The following SEMA3D variants were observed in gnomAD, a reference collection of about 807,000 sequenced individuals.
The protein encoded by SEMA3D is semaphorin 3D.
Under a neutral mutation model 100.1 loss-of-function variants are expected in SEMA3D, and 84 were observed. The observed-to-expected ratio is 0.84, with a 90% confidence interval of 0.70 to 1.01. The LOEUF (loss-of-function observed/expected upper bound fraction) is 1.01. Ranked by LOEUF, SEMA3D falls within the 50% of genes least tolerant of loss-of-function variation. The probability of loss-of-function intolerance (pLI) is 0.00; values close to 1 mark genes in which losing one functional copy is unlikely to be tolerated. For synonymous variants in SEMA3D, 312 were observed against 320.7 expected, an observed-to-expected ratio of 0.97 and a Z score of 0.29; for missense variants, 875 against 934.1, an observed-to-expected ratio of 0.94 and a Z score of 0.82.
At chr7:85,058,701 T>C (rs533071553) in intron 8 of SEMA3D, among the ~76,000 whole-genome samples, 1 of 147,132 alleles carries the variant, frequency 6.8e-6, no homozygotes, top group East Asian at 2.0e-4. Flanking sequence ...TGAGACAAGA[T>C]TGTGCCACTG....
chr7:85,027,637 T>C (rs1790427786), intron 12 of SEMA3D, among the ~76,000 whole-genome samples: 1 of 152,054 alleles, frequency 6.6e-6, no homozygotes, highest in South Asian at 2.1e-4. Context: ...GGACATATTA[T>C]ATTCAGAAGT....
rs572383134 is a variant in SEMA3D at position 85,176,480 on chromosome 7, A to G, written c.-173+10198T>C. On this transcript the variant is annotated intron_variant, in intron 1 of 18. Transcript: ENST00000284136. Reference sequence around the variant, plus strand: ...AAACTAAAACCAGAAATAAAAAAGCATGCCTAAACTTTCAGCTGTTGCCCC... The same window carrying G: ...AAACTAAAACCAGAAATAAAAAAGCGTGCCTAAACTTTCAGCTGTTGCCCC... 2.6e-5 allele frequency among the ~76,000 whole-genome samples: 4 copies of G among 152,284 alleles called. No individual in the cohort carries two copies. The South Asian group carries it at 8.3e-4, about 32-fold the overall frequency.
At chr7:85,038,828 T>C (rs16887803) in intron 11 of SEMA3D, among the ~76,000 whole-genome samples, 10,215 of 152,244 alleles carry the variant, frequency 0.067, 979 homozygotes, top group East Asian at 0.22. Flanking sequence ...ATTCTCATAT[T>C]TGAACATTCA....
intron 3 of SEMA3D, among the ~76,000 whole-genome samples, chr7:85,120,724 T>C (rs1789385734): frequency 6.6e-6 from 1 of 151,240 alleles, no homozygotes; most frequent in Non-Finnish European, 1.5e-5. Context: ...ATAAATGATA[T>C]TTCATAATGT....
At chr7:85,020,455 T>C (rs1790223719) in intron 13 of SEMA3D, 134 bp from the exon 14 acceptor site, 7 of 637,982 alleles carry the variant, frequency 1.1e-5, no homozygotes, top group Non-Finnish European at 1.9e-5. Context: ...AAATGAAACA[T>C]GCATGAACTG....
chr7:85,090,650 A>G (rs1034207873), intron 4 of SEMA3D, among the ~76,000 whole-genome samples: 1 of 152,192 alleles, frequency 6.6e-6, no homozygotes, highest in East Asian at 1.9e-4. Flanking sequence ...AAGCTAAAGC[A>G]TTAGACAGAA....
chr7:85,245,425 A>T, the SEMA3D span, among the ~76,000 whole-genome samples: 1 of 152,326 alleles, frequency 6.6e-6, no homozygotes, highest in Admixed American at 6.5e-5. Context: ...CCTGTTTTTA[A>T]GAACTAGCAC....
intron 9 of SEMA3D, among the ~76,000 whole-genome samples, chr7:85,050,103 AC>A (rs1221083753): frequency 1.3e-5 from 2 of 151,488 alleles, no homozygotes; most frequent in African/African-American, 4.8e-5. Context: ...ACACACACAC[AC>A]ACACACACAC....
chr7:85,170,655 T>G (rs1468062566), intron 1 of SEMA3D, among the ~76,000 whole-genome samples: 1 of 152,012 alleles, frequency 6.6e-6, no homozygotes, highest in African/African-American at 2.4e-5. Context: ...CTCATTACCA[T>G]TGCAATAGTC....
rs528030791 is a variant in SEMA3D at position 85,009,757 on chromosome 7, T to C, written c.1769-2816A>G. On this transcript the variant is annotated intron_variant, in intron 17 of 18. Transcript: ENST00000284136. ...ATTTACTTTATAAAATCTAACTTTC[T>C]CCTGAAGGTATAGCTCAAATGCTAT... Among the ~76,000 whole-genome samples, 4 of 151,974 alleles carry C rather than the reference T, an allele frequency of 2.6e-5. No homozygotes were observed. The South Asian group carries it at 6.2e-4, about 24-fold the overall frequency.
chr7:85,061,238 G>T (rs1235023992), intron 8 of SEMA3D, among the ~76,000 whole-genome samples: 2 of 152,068 alleles, frequency 1.3e-5, no homozygotes, highest in Non-Finnish European at 2.9e-5. Context: ...GTATTTGCTA[G>T]ATGGATTAGT....
At chr7:85,221,106 A>G in the SEMA3D span, among the ~76,000 whole-genome samples, 1 of 152,074 alleles carries the variant, frequency 6.6e-6, no homozygotes, top group African/African-American at 2.4e-5. Flanking sequence ...AAACTAGCAT[A>G]GATCCCATTG....
the SEMA3D span, among the ~76,000 whole-genome samples, chr7:85,218,615 A>G: frequency 6.6e-6 from 1 of 152,262 alleles, no homozygotes; most frequent in African/African-American, 2.4e-5. Context: ...TGCATTATGT[A>G]GTAGTATACA....
intron 9 of SEMA3D, among the ~76,000 whole-genome samples, chr7:85,048,767 G>A (rs533199607): frequency 1.3e-5 from 2 of 151,686 alleles, no homozygotes; most frequent in Non-Finnish European, 3.0e-5. Flanking sequence ...TTAAAAATAC[G>A]GTTGAGAGTT....
At chr7:85,240,491 G>A in the SEMA3D span, among the ~76,000 whole-genome samples, 123 of 152,172 alleles carry the variant, frequency 8.1e-4, no homozygotes, top group South Asian at 1.9e-3. Context: ...ATAGTAGAGC[G>A]ATGGTTACCT....
the SEMA3D span, among the ~76,000 whole-genome samples, chr7:85,236,280 A>ATTT: frequency 7.9e-6 from 1 of 127,000 alleles, no homozygotes; most frequent in Non-Finnish European, 1.6e-5. Flanking sequence ...ATTTTATTTT[A>ATTT]TTTTATTTAT....
intron 6 of SEMA3D, among the ~76,000 whole-genome samples, chr7:85,071,107 C>G (rs1422933699): frequency 2.6e-5 from 4 of 152,270 alleles, no homozygotes; most frequent in Non-Finnish European, 5.9e-5. Flanking sequence ...CTATTTGCCC[C>G]CCTCAGCAGG....
chr7:85,038,316 A>G (rs778665547), intron 11 of SEMA3D, among the ~76,000 whole-genome samples: 15 of 152,220 alleles, frequency 9.9e-5, no homozygotes, highest in African/African-American at 3.6e-4. Context: ...AGGTAATGGT[A>G]AATAGGTAGG....
intron 3 of SEMA3D, among the ~76,000 whole-genome samples, chr7:85,117,083 T>A (rs1159838211): frequency 6.6e-6 from 1 of 152,168 alleles, no homozygotes; most frequent in Non-Finnish European, 1.5e-5. Context: ...ACTCTGGAAC[T>A]AATACCATGT....
Sources: gnomAD v4.1 joint callset for allele counts (sites outside exome capture counted in the v4.1 genomes callset) on GRCh38, gnomAD v4.1.1 for gene constraint, MANE v1.5 for transcripts, NCBI Gene and HGNC (gene_info 2026-07-23, HGNC 2026-07-21) for gene names.